The following ARCN1 variants were observed in gnomAD, a reference collection of about 807,000 sequenced individuals.
ARCN1 encodes coatomer subunit delta.
In ARCN1, 5 loss-of-function variants were observed where a neutral mutation model predicts 60.4. The ratio of observed to expected loss-of-function variants is 0.08; its 90% CI spans 0.04 to 0.17. The LOEUF (loss-of-function observed/expected upper bound fraction) is 0.17, where lower values mean the gene tolerates loss of function less well. ARCN1 is among the 10% of genes least tolerant of loss of function. ARCN1 has a pLI of 1.00. For synonymous variants in ARCN1, 224 were observed against 220.0 expected (o/e 1.02, Z -0.16); for missense variants, 464 against 626.5 (o/e 0.74, Z 2.77).
At chr11:118,598,376 T>G (rs1555077536) in intron 9 of ARCN1, among the ~76,000 whole-genome samples, 1 of 151,894 alleles carries the variant, frequency 6.6e-6, no homozygotes, top group Non-Finnish European at 1.5e-5. Flanking sequence ...TATTTGAGGG[T>G]TATTTATGTC....
At chr11:118,594,520 A>G (rs897975933) in intron 8 of ARCN1, among the ~76,000 whole-genome samples, 76 of 152,190 alleles carry the variant, frequency 5.0e-4, no homozygotes, top group Admixed American at 3.5e-3. Context: ...AGCCAGTTGT[A>G]GATCTGGAGC....
At chr11:118,598,644 G>A (rs186096490) in intron 9 of ARCN1, among the ~76,000 whole-genome samples, 49 of 151,928 alleles carry the variant, frequency 3.2e-4, no homozygotes, top group Middle Eastern at 3.4e-3. Flanking sequence ...ACAGGAATGC[G>A]CCACCATGCC....
intron 1 of ARCN1, among the ~76,000 whole-genome samples, chr11:118,575,206 C>G (rs1482119171): frequency 6.6e-6 from 1 of 152,118 alleles, no homozygotes; most frequent in Non-Finnish European, 1.5e-5. Context: ...TCTCGATCTC[C>G]TCACCTCGTG....
chr11:118,573,649 AC>A, intron 1 of ARCN1: 4 of 702,726 alleles, frequency 5.7e-6, no homozygotes, highest in Non-Finnish European at 1.0e-5. Context: ...CGTCCAGTGT[AC>A]CTGAGAGATG....
intron 9 of ARCN1, among the ~76,000 whole-genome samples, chr11:118,598,764 G>C (rs1325633719): frequency 6.7e-6 from 1 of 149,872 alleles, no homozygotes; most frequent in African/African-American, 2.5e-5. Flanking sequence ...CAAAGTGATG[G>C]GATTACAAGT....
intron 1 of ARCN1, chr11:118,573,784 G>A (rs1555072938): frequency 3.4e-6 from 2 of 581,352 alleles, no homozygotes; most frequent in Non-Finnish European, 3.1e-6. Context: ...TCAGCCTCAG[G>A]TATATAAATT....
intron 6 of ARCN1, 120 bp downstream of exon 6, chr11:118,590,626 C>G: frequency 9.6e-7 from 1 of 1,040,942 alleles, no homozygotes; most frequent in Non-Finnish European, 1.4e-6. Flanking sequence ...TAGCATCACT[C>G]TAAACGCTTA....
At chr11:118,598,208 T>A (rs1565366868) in intron 9 of ARCN1, among the ~76,000 whole-genome samples, 1 of 152,084 alleles carries the variant, frequency 6.6e-6, no homozygotes, top group East Asian at 1.9e-4. Flanking sequence ...TGTTTTTTTT[T>A]AACCTTATAT....
intron 6 of ARCN1, among the ~76,000 whole-genome samples, chr11:118,591,443 G>A (rs1367187644): frequency 1.3e-5 from 2 of 152,210 alleles, no homozygotes; most frequent in South Asian, 2.1e-4. Flanking sequence ...CCAAGCTGGA[G>A]TTCTGTGGTA....
intron 5 of ARCN1, among the ~76,000 whole-genome samples, chr11:118,589,549 C>T (rs142993621): frequency 6.6e-6 from 1 of 152,240 alleles, no homozygotes; most frequent in African/African-American, 2.4e-5. Flanking sequence ...CCCACCTCAG[C>T]CTCCTGAGTA....
At position 118,583,868 on chromosome 11, in the gene ARCN1, C is replaced by G; in HGVS notation, c.507C>G (p.Ala169=). Reference sequence around the variant, plus strand: ...GTAAAGCAAAGGAATTACAACAGGCCCGAAGAGATGCAGAGAGACAGGGCA... The same window carrying G: ...GTAAAGCAAAGGAATTACAACAGGCGCGAAGAGATGCAGAGAGACAGGGCA... ...MRRKAKELQQ[A]RRDAERQGKK... is the part of the protein sequence containing the mutation. The change falls in exon 4 of 10, where the codon GCC becomes GCG. Residue 169 remains alanine (A), a synonymous_variant. Coordinates refer to ENST00000264028, the MANE Select transcript of ARCN1 (RefSeq NM_001655.5). 1 of 1,614,084 alleles carries G rather than the reference C, an allele frequency of 6.2e-7. No homozygotes were observed. Among genetic ancestry groups the G allele is most frequent in the East Asian group, 2.2e-5 (1 of 44,886 alleles).
In ARCN1 at chr11:118,579,625, T is replaced by G. The variant is rs1403737593; in HGVS notation, c.4-1621T>G. ...ATCACTTGAACCTGGGAGGTGGAGG[T>G]TTCAGTGAGCGGAGATCTTGCCATT... On this transcript the variant is annotated intron_variant, in intron 1 of 9. Coordinates refer to ENST00000264028, the MANE Select transcript of ARCN1 (RefSeq NM_001655.5). Among the ~76,000 whole-genome samples the G allele has an allele frequency of 4.0e-5, 6 of 150,532 alleles. No individual in the cohort carries two copies. The East Asian group carries it at 1.2e-3, about 29-fold the overall frequency.
At chr11:118,590,026 C>T (rs1938863493) in intron 5 of ARCN1, among the ~76,000 whole-genome samples, 1 of 151,922 alleles carries the variant, frequency 6.6e-6, no homozygotes, top group Non-Finnish European at 1.5e-5. Context: ...GACAGAGTTT[C>T]ACTCTTGTTG....
chr11:118,577,252 CT>C lies in ARCN1; in HGVS notation c.4-3982del, dbSNP rs542792348. Among the ~76,000 whole-genome samples, 190 of 145,150 alleles carry C rather than the reference CT, an allele frequency of 1.3e-3. 1 individual carries two copies. The highest frequency in any genetic ancestry group is 3.5e-3 in the Middle Eastern group (1 of 284). On this transcript the variant is annotated intron_variant, in intron 1 of 9. Coordinates refer to ENST00000264028, the MANE Select transcript of ARCN1 (RefSeq NM_001655.5). ...ATTCTGTTTCTTTCTTTCTTTCTTT[CT>C]TTTTTTTTTTTGAGGCAGAGTCTCA...
Position 118,582,870 on chromosome 11 carries a change from G to A in ARCN1, c.268-309G>A, listed in dbSNP as rs546381621. On this transcript the variant is annotated intron_variant, in intron 2 of 9. Transcript: ENST00000264028. Reference sequence around the variant, plus strand: ...AGCCTGGCCAACATGGTGAAACCCCGTCTCTACTAAAAATACAAAAATTAG... The same window carrying A: ...AGCCTGGCCAACATGGTGAAACCCCATCTCTACTAAAAATACAAAAATTAG... 8.6e-5 allele frequency among the ~76,000 whole-genome samples: 13 copies of A among 151,684 alleles called. No homozygotes were observed. In the South Asian group the frequency reaches 1.0e-3, roughly 12 times the overall value.
intron 3 of ARCN1, 91 bp from the exon 4 acceptor site, chr11:118,583,718 A>G (rs1555075001): frequency 1.5e-6 from 2 of 1,329,562 alleles, no homozygotes; most frequent in African/African-American, 3.0e-5. Context: ...TGATTGTGCC[A>G]CTTGCACTCC....
At chr11:118,586,852 C>CAAA (rs781894156) in intron 5 of ARCN1, among the ~76,000 whole-genome samples, 5 of 53,364 alleles carry the variant, frequency 9.4e-5, no homozygotes, top group Admixed American at 2.1e-4. Context: ...ACTCTATCTC[C>CAAA]AAAAAAAAAA....
At chr11:118,596,469 A>T (rs1939028068) in intron 8 of ARCN1, among the ~76,000 whole-genome samples, 1 of 152,254 alleles carries the variant, frequency 6.6e-6, no homozygotes, top group Admixed American at 6.5e-5. Context: ...CGTTGTCTAG[A>T]ACTGATCAAA....
At chr11:118,577,439 G>C (rs1190159407) in intron 1 of ARCN1, among the ~76,000 whole-genome samples, 1 of 151,906 alleles carries the variant, frequency 6.6e-6, no homozygotes, top group Admixed American at 6.6e-5. Flanking sequence ...GTAGAGACAG[G>C]GTTTTCCCAT....
Sources: allele counts gnomAD v4.1 joint callset (sites outside exome capture counted in the v4.1 genomes callset), GRCh38; gene constraint gnomAD v4.1.1; transcripts MANE v1.5; gene names NCBI Gene and HGNC (gene_info 2026-07-23, HGNC 2026-07-21).